The following LRP1B variants were observed in gnomAD, a reference collection of about 807,000 sequenced individuals.
LRP1B encodes the protein low-density lipoprotein receptor-related protein 1B.
A neutral mutation model predicts 556.6 loss-of-function variants in LRP1B; 217 were observed. The observed-to-expected ratio is 0.39, with a 90% CI of 0.35 to 0.44. LRP1B has a LOEUF of 0.44. Ranked by LOEUF, LRP1B falls within the 20% of genes least tolerant of loss-of-function variation. The pLI is 1.00. For missense variants in LRP1B, 5,053 were observed against 5,620.8 expected, an observed-to-expected ratio of 0.90 and a Z score of 3.23; for synonymous variants, 2,047 against 1,865.8, an observed-to-expected ratio of 1.10 and a Z score of -2.50.
chr2:142,012,930 G>A (rs1703000826), intron 1 of LRP1B, among the ~76,000 whole-genome samples: 1 of 152,082 alleles, frequency 6.6e-6, no homozygotes, highest in Non-Finnish European at 1.5e-5. Context: ...TAAGTTTGGG[G>A]AGTATTATAT....
chr2:140,780,170 G>A (rs1452352231), intron 32 of LRP1B, among the ~76,000 whole-genome samples: 1 of 152,174 alleles, frequency 6.6e-6, no homozygotes, highest in African/African-American at 2.4e-5. Context: ...TAAGAAGTAG[G>A]AGTGGCGATA....
chr2:140,881,252 A>ATG (rs531850216), intron 25 of LRP1B, among the ~76,000 whole-genome samples: 1 of 73,074 alleles, frequency 1.4e-5, no homozygotes, highest in Non-Finnish European at 3.6e-5. Context: ...GCTTTGCTGT[A>ATG]AGTGTGTGTG....
chr2:141,287,177 T>C (rs1245177988), intron 3 of LRP1B, among the ~76,000 whole-genome samples: 1 of 152,180 alleles, frequency 6.6e-6, no homozygotes, highest in Non-Finnish European at 1.5e-5. Context: ...CTATTACTTG[T>C]TTTCAATTTT....
intron 35 of LRP1B, among the ~76,000 whole-genome samples, chr2:140,736,389 T>C (rs898468918): frequency 1.3e-5 from 2 of 152,054 alleles, no homozygotes; most frequent in Non-Finnish European, 2.9e-5. Context: ...TATTGTTTCA[T>C]ATGGAACCAA....
At chr2:141,802,115 T>G (rs1696027055) in intron 2 of LRP1B, among the ~76,000 whole-genome samples, 1 of 152,144 alleles carries the variant, frequency 6.6e-6, no homozygotes, top group African/African-American at 2.4e-5. Flanking sequence ...GATGAGTATT[T>G]TGTGTTAACA....
chr2:141,583,622 GTATA>G (rs1417462554), intron 2 of LRP1B, among the ~76,000 whole-genome samples: 1 of 151,312 alleles, frequency 6.6e-6, no homozygotes, highest in East Asian at 1.9e-4. Flanking sequence ...ATAAAAGTAT[GTATA>G]ATTATATACA....
chr2:141,462,030 C>T (rs1559082838), intron 3 of LRP1B, among the ~76,000 whole-genome samples: 1 of 152,184 alleles, frequency 6.6e-6, no homozygotes, highest in African/African-American at 2.4e-5. Flanking sequence ...AACTTCACTG[C>T]AACTTCAGTC....
intron 43 of LRP1B, among the ~76,000 whole-genome samples, chr2:140,555,217 C>T (rs140025277): frequency 0.027 from 3,224 of 120,584 alleles, 60 homozygotes; most frequent in South Asian, 0.042. Context: ...GATTCACAGA[C>T]GCTCAGGAAA....
At chr2:141,426,175 G>A (rs1044613033) in intron 3 of LRP1B, among the ~76,000 whole-genome samples, 1 of 151,896 alleles carries the variant, frequency 6.6e-6, no homozygotes, top group African/African-American at 2.4e-5. Context: ...TATTAAATAG[G>A]TAATCCTTTC....
At chr2:140,825,098 C>T (rs111891034) in intron 31 of LRP1B, among the ~76,000 whole-genome samples, 24 of 152,052 alleles carry the variant, frequency 1.6e-4, no homozygotes, top group African/African-American at 5.8e-4. Context: ...AAATACAGTC[C>T]TAAAAGTGTC....
At chr2:141,992,792 A>G (rs2105118566) in intron 1 of LRP1B, among the ~76,000 whole-genome samples, 1 of 152,234 alleles carries the variant, frequency 6.6e-6, no homozygotes, top group Non-Finnish European at 1.5e-5. Context: ...CCTCCAGGAC[A>G]CACTATGAAA....
intron 1 of LRP1B, among the ~76,000 whole-genome samples, chr2:141,900,312 A>G (rs2104932329): frequency 6.6e-6 from 1 of 152,240 alleles, no homozygotes; most frequent in African/African-American, 2.4e-5. Context: ...TATGTTTCAA[A>G]CATTATCTAA....
At chr2:141,319,316 T>TTTTTTG (rs1687148951) in intron 3 of LRP1B, among the ~76,000 whole-genome samples, 2 of 148,648 alleles carry the variant, frequency 1.3e-5, no homozygotes, top group Admixed American at 6.7e-5. Context: ...TGTTGTTTTT[T>TTTTTTG]TTTTTTTTCC....
intron 35 of LRP1B, among the ~76,000 whole-genome samples, chr2:140,735,986 C>CG (rs1252420158): frequency 6.6e-6 from 1 of 151,974 alleles, no homozygotes; most frequent in African/African-American, 2.4e-5. Context: ...GGCACATTCT[C>CG]GGTATATGGG....
At chr2:141,298,313 T>C (rs1025954515) in intron 3 of LRP1B, among the ~76,000 whole-genome samples, 3 of 152,166 alleles carry the variant, frequency 2.0e-5, no homozygotes, top group Non-Finnish European at 4.4e-5. Context: ...CTGATAGGAA[T>C]GTCTATTTAA....
intron 7 of LRP1B, among the ~76,000 whole-genome samples, chr2:141,130,848 A>G (rs1487367029): frequency 6.6e-6 from 1 of 152,158 alleles, no homozygotes; most frequent in African/African-American, 2.4e-5. Context: ...GCAGCCATAA[A>G]AAAGAATGAG....
chr2:141,766,149 A>C (rs1186029996), intron 2 of LRP1B, among the ~76,000 whole-genome samples: 1 of 152,200 alleles, frequency 6.6e-6, no homozygotes, highest in African/African-American at 2.4e-5. Flanking sequence ...AAGGATTGTC[A>C]AGAAATAATA....
chr2:140,589,538 A>G (rs536464602), intron 43 of LRP1B, among the ~76,000 whole-genome samples: 2 of 152,294 alleles, frequency 1.3e-5, no homozygotes, highest in East Asian at 3.9e-4. Flanking sequence ...AACACTAGAA[A>G]CCGCCCTGAT....
chr2:140,353,556 G>A (rs614390), intron 75 of LRP1B, among the ~76,000 whole-genome samples: 149,814 of 152,124 alleles, frequency 0.98, 73,803 homozygotes, highest in Middle Eastern at 1. Flanking sequence ...CTTTCATCCC[G>A]TAATGCCCTT....
Sources: allele counts gnomAD v4.1 joint callset (sites outside exome capture counted in the v4.1 genomes callset), GRCh38; gene constraint gnomAD v4.1.1; transcripts MANE v1.5; gene names NCBI Gene and HGNC (gene_info 2026-07-23, HGNC 2026-07-21).